The following SLC8A1 variants were observed in gnomAD, a reference collection of about 807,000 sequenced individuals.
The protein encoded by SLC8A1 is sodium/calcium exchanger 1.
Under a neutral mutation model 68.3 loss-of-function variants are expected in SLC8A1, and 18 were observed. The observed-to-expected ratio is 0.26, with a 90% CI of 0.18 to 0.39. SLC8A1 has a LOEUF of 0.39. Ranked by LOEUF, SLC8A1 falls within the 10% of genes least tolerant of loss-of-function variation. The pLI is 1.00. For synonymous variants in SLC8A1, 475 were observed against 415.5 expected (o/e 1.14, Z -1.74); for missense variants, 985 against 1,156.7 (o/e 0.85, Z 2.15).
At chr2:40,364,481 A>G (rs79738511) in intron 2 of SLC8A1, among the ~76,000 whole-genome samples, 3,771 of 146,498 alleles carry the variant, frequency 0.026, 62 homozygotes, top group Middle Eastern at 0.038. Context: ...ATTTCTATGA[A>G]AACTTTACAA....
At chr2:40,436,422 T>G (rs1469177808) in intron 1 of SLC8A1, among the ~76,000 whole-genome samples, 2 of 152,094 alleles carry the variant, frequency 1.3e-5, no homozygotes, top group African/African-American at 4.8e-5. Flanking sequence ...TCAATGTCAG[T>G]GTTAGGAAGA....
intron 2 of SLC8A1, among the ~76,000 whole-genome samples, chr2:40,209,513 C>G (rs2056176361): frequency 6.6e-6 from 1 of 152,016 alleles, no homozygotes; most frequent in Non-Finnish European, 1.5e-5. Context: ...TAGGGAGCCA[C>G]TGGAGGATTT....
At chr2:40,445,446 G>GAAAGAA (rs376480160) in intron 1 of SLC8A1, among the ~76,000 whole-genome samples, 76 of 152,026 alleles carry the variant, frequency 5.0e-4, no homozygotes, top group East Asian at 1.9e-3. Flanking sequence ...TCTACACAGG[G>GAAAGAA]AAAGAAAAAG....
At chr2:40,266,528 C>A in intron 2 of SLC8A1, among the ~76,000 whole-genome samples, 1 of 152,158 alleles carries the variant, frequency 6.6e-6, no homozygotes, top group Non-Finnish European at 1.5e-5. Flanking sequence ...CTTCTGGACA[C>A]TAGAATGTTA....
intron 2 of SLC8A1, among the ~76,000 whole-genome samples, chr2:40,404,247 C>T (rs1191732991): frequency 6.6e-6 from 1 of 152,126 alleles, no homozygotes; most frequent in Admixed American, 6.5e-5. Flanking sequence ...GGAAGAAAGG[C>T]TTCTTTGTAC....
At chr2:40,147,941 G>A (rs768082574) in intron 6 of SLC8A1, among the ~76,000 whole-genome samples, 1 of 152,158 alleles carries the variant, frequency 6.6e-6, no homozygotes, top group African/African-American at 2.4e-5. Flanking sequence ...CTGTTTTAGA[G>A]ATGAAGAATC....
intron 2 of SLC8A1, among the ~76,000 whole-genome samples, chr2:40,333,701 T>C (rs1236772480): frequency 6.6e-6 from 1 of 152,178 alleles, no homozygotes; most frequent in Non-Finnish European, 1.5e-5. Context: ...ATCATTATTG[T>C]AGCATACCAT....
chr2:40,466,998 AC>A (rs1703714422), intron 1 of SLC8A1, among the ~76,000 whole-genome samples: 1 of 151,854 alleles, frequency 6.6e-6, no homozygotes, highest in Non-Finnish European at 1.5e-5. Context: ...TGTGCAGAGA[AC>A]GGAAGAGAAG....
chr2:40,322,068 T>G (rs889864590), intron 2 of SLC8A1, among the ~76,000 whole-genome samples: 1 of 152,116 alleles, frequency 6.6e-6, no homozygotes, highest in Admixed American at 6.6e-5. Flanking sequence ...AGTTCACATA[T>G]TTTTAGCAGT....
intron 2 of SLC8A1, among the ~76,000 whole-genome samples, chr2:40,342,312 G>A (rs1288511464): frequency 6.6e-6 from 1 of 152,052 alleles, no homozygotes; most frequent in African/African-American, 2.4e-5. Flanking sequence ...CCATCTTACT[G>A]GATCTCTAAT....
At chr2:40,298,579 T>C (rs978562930) in intron 2 of SLC8A1, among the ~76,000 whole-genome samples, 5 of 152,214 alleles carry the variant, frequency 3.3e-5, no homozygotes, top group African/African-American at 1.2e-4. Context: ...CTCAAGCTGA[T>C]GAATTAATCT....
At chr2:40,129,437 T>C (rs887479304) in intron 7 of SLC8A1, among the ~76,000 whole-genome samples, 16 of 152,174 alleles carry the variant, frequency 1.1e-4, no homozygotes, top group African/African-American at 3.4e-4. Context: ...GGTCTCTCTA[T>C]GTTGCCCAGG....
In SLC8A1 at chr2:40,488,954, G is replaced by C. The variant is rs147486030; in HGVS notation, c.-25+23395C>G. ...GGACAGAGGAAATTATGTTGGATTT[G>C]GAAGTAGAATATCTGTTTCAGAGTC... On this transcript the variant is annotated intron_variant, in intron 1 of 7. Coordinates refer to the SLC8A1 transcript ENST00000402441. 4.2e-3 allele frequency among the ~76,000 whole-genome samples: 640 copies of C among 152,198 alleles called. 8 individuals carry two copies. The highest frequency in any genetic ancestry group is 0.015 in the African/African-American group (611 of 41,538).
intron 2 of SLC8A1, among the ~76,000 whole-genome samples, chr2:40,421,342 G>C (rs1695455137): frequency 6.6e-6 from 1 of 152,092 alleles, no homozygotes; most frequent in South Asian, 2.1e-4. Flanking sequence ...GTAGGGGACA[G>C]AGAGCTCAAA....
At chr2:40,466,107 GGTAT>G (rs1703654786) in intron 1 of SLC8A1, among the ~76,000 whole-genome samples, 1 of 152,060 alleles carries the variant, frequency 6.6e-6, no homozygotes, top group Non-Finnish European at 1.5e-5. Flanking sequence ...CCCAGTATCA[GGTAT>G]TTTTTCATAA....
chr2:40,352,862 C>T (rs1009466033), intron 2 of SLC8A1, among the ~76,000 whole-genome samples: 1 of 152,158 alleles, frequency 6.6e-6, no homozygotes, highest in African/African-American at 2.4e-5. Flanking sequence ...GGGCTACTCC[C>T]TGTTCTCCAG....
chr2:40,426,969 T>G (rs895293284), intron 2 of SLC8A1, among the ~76,000 whole-genome samples: 1 of 152,026 alleles, frequency 6.6e-6, no homozygotes, highest in Non-Finnish European at 1.5e-5. Context: ...CTTTCTTGGA[T>G]ATGAAGGATA....
At chr2:40,453,792 G>A (rs1237000324), upstream of SLC8A1, among the ~76,000 whole-genome samples, 5 of 152,190 alleles carry the variant, frequency 3.3e-5, no homozygotes, top group African/African-American at 7.2e-5. Flanking sequence ...AGCAGGCCTG[G>A]GGTAGGCAAG....
chr2:40,246,274 C>T (rs1284957283), intron 2 of SLC8A1, among the ~76,000 whole-genome samples: 1 of 152,190 alleles, frequency 6.6e-6, no homozygotes, highest in East Asian at 1.9e-4. Flanking sequence ...AATACATTCT[C>T]AACAGGGGAA....
Sources: gnomAD v4.1 joint callset for allele counts (sites outside exome capture counted in the v4.1 genomes callset) on GRCh38, gnomAD v4.1.1 for gene constraint, MANE v1.5 for transcripts, NCBI Gene and HGNC (gene_info 2026-07-23, HGNC 2026-07-21) for gene names.